The following FCHSD2 variants were observed in gnomAD, a reference collection of about 807,000 sequenced individuals.
FCHSD2 encodes the protein F-BAR and double SH3 domains protein 2.
In FCHSD2, 38 loss-of-function variants were observed where a neutral mutation model predicts 108.1. That is an observed-to-expected ratio of 0.35 (90% CI 0.27 to 0.46). The LOEUF is 0.46. FCHSD2 is among the 20% of genes least tolerant of loss of function. The pLI, the probability that FCHSD2 is intolerant of heterozygous loss-of-function variation, is 1.00. For synonymous variants in FCHSD2, 279 were observed against 314.7 expected (o/e 0.89, Z 1.20); for missense variants, 751 against 897.8 (o/e 0.84, Z 2.09).
chr11:72,872,791 T>C (rs1170592689), intron 12 of FCHSD2, among the ~76,000 whole-genome samples: 1 of 152,212 alleles, frequency 6.6e-6, no homozygotes, highest in African/African-American at 2.4e-5. Context: ...TGTTTTCACT[T>C]CTTTTGGGTT....
At chr11:72,880,884 AAACAAC>A (rs944564985) in intron 12 of FCHSD2, among the ~76,000 whole-genome samples, 5 of 151,644 alleles carry the variant, frequency 3.3e-5, no homozygotes, top group African/African-American at 1.2e-4. Flanking sequence ...AAAAAAAAGA[AAACAAC>A]AACAACAACA....
At chr11:72,983,972 A>C in intron 8 of FCHSD2, 116 bp downstream of exon 8, 1 of 787,324 alleles carries the variant, frequency 1.3e-6, no homozygotes, top group Admixed American at 2.0e-5. Context: ...TTCCAATGAG[A>C]TGCAACATAG....
At chr11:72,852,657 G>A (rs552039255) in intron 13 of FCHSD2, among the ~76,000 whole-genome samples, 4 of 150,456 alleles carry the variant, frequency 2.7e-5, no homozygotes, top group African/African-American at 9.8e-5. Context: ...GAGCAAGATT[G>A]TCTTAAAAAA....
chr11:72,887,977 A>T (rs1003566675), intron 11 of FCHSD2, among the ~76,000 whole-genome samples: 1 of 152,256 alleles, frequency 6.6e-6, no homozygotes, highest in Admixed American at 6.5e-5. Context: ...AGTGAAAAGA[A>T]GATGTCAAAA....
At chr11:73,010,022 G>C (rs1416859816) in intron 4 of FCHSD2, among the ~76,000 whole-genome samples, 1 of 152,070 alleles carries the variant, frequency 6.6e-6, no homozygotes, top group South Asian at 2.1e-4. Context: ...TTTGCCATCT[G>C]GGAAACCAAT....
At chr11:73,015,749 T>C (rs1857957928) in intron 4 of FCHSD2, 60 bp downstream of exon 4, 2 of 1,011,268 alleles carry the variant, frequency 2.0e-6, no homozygotes, top group East Asian at 4.9e-5. Flanking sequence ...ATTATCTATA[T>C]GTAACATAGC....
chr11:73,035,009 G>A (rs1222922917), intron 3 of FCHSD2, among the ~76,000 whole-genome samples: 2 of 152,164 alleles, frequency 1.3e-5, no homozygotes, highest in Admixed American at 6.5e-5. Context: ...GACACTGATA[G>A]TTTAACAAAC....
chr11:73,081,556 C>T (rs1192956384), intron 3 of FCHSD2, among the ~76,000 whole-genome samples: 5 of 151,394 alleles, frequency 3.3e-5, no homozygotes. Flanking sequence ...GACAGGGTTT[C>T]ACTCCCATTG....
chr11:72,840,850 G>A lies in FCHSD2; in HGVS notation c.2139+27C>T, dbSNP rs186734312. On this transcript the variant is annotated intron_variant, in intron 19 of 19. Transcript: ENST00000409418. ...TTCAATTTGGAAGAACTATGCATTC[G>A]ATAATCCTGCAAGATCAGAGACTTA... 232 of 1,523,184 alleles carry A rather than the reference G, an allele frequency of 1.5e-4. 1 individual carries two copies. The highest frequency in any genetic ancestry group is 5.1e-4 in the Middle Eastern group (3 of 5,900). 94.4% of individuals were successfully genotyped at this position (1,523,184 alleles called of 1,614,324 possible). A position where few individuals can be genotyped will look rare whatever the true frequency, so the allele number is the denominator to read the frequency against.
intron 6 of FCHSD2, among the ~76,000 whole-genome samples, chr11:72,986,166 C>T (rs913810080): frequency 1.3e-5 from 2 of 152,116 alleles, no homozygotes; most frequent in African/African-American, 4.8e-5. Context: ...TAAAAGATTC[C>T]TGTTATTTTT....
At chr11:72,879,999 CAAAAAAAA>C (rs541384964) in intron 12 of FCHSD2, among the ~76,000 whole-genome samples, 5 of 63,178 alleles carry the variant, frequency 7.9e-5, no homozygotes, top group Admixed American at 1.9e-4. Flanking sequence ...AATTCTGTCT[CAAAAAAAA>C]AAAAAAAAAA....
At chr11:72,908,667 GC>G (rs1351377616) in intron 9 of FCHSD2, among the ~76,000 whole-genome samples, 5 of 152,222 alleles carry the variant, frequency 3.3e-5, no homozygotes, top group African/African-American at 1.2e-4. Context: ...ATGCCTGTCT[GC>G]CACTTATTTT....
intron 8 of FCHSD2, among the ~76,000 whole-genome samples, chr11:72,967,320 G>T (rs934556439): frequency 1.3e-5 from 2 of 151,960 alleles, no homozygotes; most frequent in African/African-American, 4.8e-5. Flanking sequence ...TGAGAATAGA[G>T]ATAGGCTGGT....
chr11:73,052,728 T>C (rs184154871), intron 3 of FCHSD2, among the ~76,000 whole-genome samples: 2 of 152,344 alleles, frequency 1.3e-5, no homozygotes, highest in African/African-American at 4.8e-5. Context: ...ATAATCTTCA[T>C]ACTTGTAAGA....
At chr11:73,069,388 A>T (rs1030382549) in intron 3 of FCHSD2, among the ~76,000 whole-genome samples, 1 of 151,770 alleles carries the variant, frequency 6.6e-6, no homozygotes, top group African/African-American at 2.4e-5. Flanking sequence ...ATTTTAAAAG[A>T]ATAAGAAATT....
Position 73,059,240 on chromosome 11 carries a change from A to G in FCHSD2, c.165+24455T>C, listed in dbSNP as rs547965752. ...TATTGACAATGGCTGAAGACTTTAC[A>G]TTACACTGTGTGAACTACGGTTTAT... On this transcript the variant is annotated intron_variant, in intron 3 of 19. Transcript: ENST00000409418. 7.0e-4 allele frequency among the ~76,000 whole-genome samples: 107 copies of G among 152,276 alleles called. 1 individual carries two copies. The highest frequency in any genetic ancestry group is 1.3e-3 in the Non-Finnish European group (89 of 68,000).
rs556770556 is a variant in FCHSD2 at position 73,010,184 on chromosome 11, G to A, written c.242+5625C>T. Among the ~76,000 whole-genome samples the A allele has an allele frequency of 2.0e-5, 3 of 152,150 alleles. No individual in the cohort carries two copies. In the East Asian group the frequency reaches 5.8e-4, roughly 29 times the overall value. ...TCTCTTTTGCTTGATCTAGTCTATT[G>A]TTGAAGCTTTCAAATGTATTTTGTA... On this transcript the variant is annotated intron_variant, in intron 4 of 19. Transcript: ENST00000409418.
chr11:72,958,293 G>A lies in FCHSD2; in HGVS notation c.705+25795C>T, dbSNP rs573068103. Among the ~76,000 whole-genome samples, 4 of 152,270 alleles carry A rather than the reference G, an allele frequency of 2.6e-5. No individual in the cohort carries two copies. The South Asian group carries it at 8.3e-4, about 32-fold the overall frequency. On this transcript the variant is annotated intron_variant, in intron 8 of 19. Coordinates refer to ENST00000409418, the MANE Select transcript of FCHSD2 (RefSeq NM_014824.3). ...AGCACTTTGGAAGGCTGAGGCAGGCGGATCACTTGAGGTCAGGAGTTTGAG... is the reference window on the plus strand; with the variant it reads ...AGCACTTTGGAAGGCTGAGGCAGGCAGATCACTTGAGGTCAGGAGTTTGAG...
At chr11:72,917,908 T>A (rs1240608068) in intron 9 of FCHSD2, among the ~76,000 whole-genome samples, 1 of 150,730 alleles carries the variant, frequency 6.6e-6, no homozygotes, top group East Asian at 1.9e-4. Context: ...AAAAAAAAAA[T>A]TGAGGACCGG....
Sources: gnomAD v4.1 joint callset for allele counts (sites outside exome capture counted in the v4.1 genomes callset) on GRCh38, gnomAD v4.1.1 for gene constraint, MANE v1.5 for transcripts, NCBI Gene and HGNC (gene_info 2026-07-23, HGNC 2026-07-21) for gene names.